H2BC18: variants seen among roughly 807,000 people sequenced by gnomAD.
H2BC18 encodes the protein histone H2B type 2-F.
A neutral mutation model predicts 6.3 loss-of-function variants in H2BC18; 8 were observed. The ratio of observed to expected loss-of-function variants is 1.28; its 90% CI spans 0.75 to 2.31. The LOEUF (loss-of-function observed/expected upper bound fraction) is 2.31. H2BC18 is among the 30% of genes most tolerant of loss of function. The pLI is 0.00. For missense variants in H2BC18, 106 were observed against 174.5 expected, an observed-to-expected ratio of 0.61 and a Z score of 2.21; for synonymous variants, 104 against 78.1, an observed-to-expected ratio of 1.33 and a Z score of -1.75.
At chr1:149,810,997 T>C (rs1374238009), downstream of H2BC18, 1 of 152,196 alleles carries the variant, frequency 6.6e-6, no homozygotes, top group African/African-American at 2.4e-5. Flanking sequence ...AGGAAGTATT[T>C]TCCTGTGGAG....
intron 1 of H2BC18, among the ~76,000 whole-genome samples, chr1:149,785,223 A>G (rs1553750673): frequency 6.6e-6 from 1 of 152,178 alleles, no homozygotes; most frequent in Non-Finnish European, 1.5e-5. Flanking sequence ...ATAATGCAAA[A>G]GTCAATCCAC....
At chr1:149,784,974 G>A (rs1206180795) in intron 1 of H2BC18, among the ~76,000 whole-genome samples, 11 of 151,934 alleles carry the variant, frequency 7.2e-5, no homozygotes, top group Non-Finnish European at 1.0e-4. Context: ...CATTCCGGGG[G>A]CACATTTCAT....
At chr1:149,788,558 A>T in intron 1 of H2BC18, 1 of 1,613,976 alleles carries the variant, frequency 6.2e-7, no homozygotes. Context: ...GGCACCTACC[A>T]TTGCTCAGGC....
intron 1 of H2BC18, chr1:149,785,582 G>A (rs1553750736): frequency 6.6e-6 from 1 of 151,572 alleles, no homozygotes; most frequent in Non-Finnish European, 1.5e-5. Context: ...AAAGGACTAG[G>A]GCTGGGAAGA....
chr1:149,810,277 T>C (rs2091959989), downstream of H2BC18: 1 of 151,980 alleles, frequency 6.6e-6, no homozygotes, highest in African/African-American at 2.4e-5. Context: ...ATGTGCTATA[T>C]ATGATTTCTT....
chr1:149,797,763 A>G (rs1269775284), intron 1 of H2BC18, among the ~76,000 whole-genome samples: 1 of 151,968 alleles, frequency 6.6e-6, no homozygotes, highest in African/African-American at 2.4e-5. Flanking sequence ...ACATCCAGCT[A>G]ATTTTTGTAT....
downstream of H2BC18, among the ~76,000 whole-genome samples, chr1:149,807,848 A>AAGAAAGAAT: frequency 6.6e-6 from 1 of 151,866 alleles, no homozygotes; most frequent in South Asian, 2.1e-4. Flanking sequence ...AAAGAGAGAA[A>AAGAAAGAAT]AGAAAGAATA....
intron 1 of H2BC18, among the ~76,000 whole-genome samples, chr1:149,784,710 A>G (rs2091494444): frequency 6.7e-6 from 1 of 148,734 alleles, no homozygotes. Context: ...CTATATATAT[A>G]TATATATATA....
chr1:149,800,524 C>T (rs1443556467), intron 1 of H2BC18, among the ~76,000 whole-genome samples: 5 of 142,530 alleles, frequency 3.5e-5, no homozygotes, highest in Admixed American at 7.1e-5. Context: ...ATAAACAAAA[C>T]GACATCACAC....
chr1:149,784,131 A>G, intron 1 of H2BC18: 2 of 1,611,782 alleles, frequency 1.2e-6, no homozygotes, highest in Admixed American at 3.3e-5. Flanking sequence ...TCTCAATGGC[A>G]CAGCCACTCA....
At chr1:149,806,513 A>AG (rs1171108801) in intron 1 of H2BC18, among the ~76,000 whole-genome samples, 4 of 151,986 alleles carry the variant, frequency 2.6e-5, no homozygotes. Flanking sequence ...GCTTGAACCC[A>AG]GGAGGTGGAG....
chr1:149,790,196 G>C (rs2091668138), intron 1 of H2BC18: 1 of 1,613,710 alleles, frequency 6.2e-7, no homozygotes, highest in Non-Finnish European at 8.5e-7. Flanking sequence ...TGGGCAGCAA[G>C]ACCCTGCGAG....
chr1:149,800,595 T>C (rs1383759919), intron 1 of H2BC18, among the ~76,000 whole-genome samples: 1 of 142,204 alleles, frequency 7.0e-6, no homozygotes, highest in African/African-American at 2.7e-5. Context: ...AGACCAAATA[T>C]ATATTTCATA....
At position 149,786,418 on chromosome 1, in the gene H2BC18, T is replaced by G. The variant is rs2091551246; in HGVS notation, c.378-3158A>C. 3 of 152,244 alleles carry G rather than the reference T, an allele frequency of 2.0e-5. No homozygotes were observed. In the South Asian group the frequency reaches 6.2e-4, roughly 31 times the overall value. 9.4% of individuals were successfully genotyped at this position (152,244 alleles called of 1,614,324 possible). ...ATATTAAAGTTTTGTTTGTTTTCAA[T>G]GAACAAGACTTGTTAATTTTACTAC... On this transcript the variant is annotated intron_variant, in intron 1 of 1. Transcript: ENST00000545683.
chr1:149,802,510 T>G (rs1261948060), intron 1 of H2BC18, among the ~76,000 whole-genome samples: 1 of 152,078 alleles, frequency 6.6e-6, no homozygotes, highest in African/African-American at 2.4e-5. Flanking sequence ...GGGACAAAAC[T>G]AATAGGGGAG....
At chr1:149,785,960 ATGT>A (rs1176100805) in intron 1 of H2BC18, 1 of 152,124 alleles carries the variant, frequency 6.6e-6, no homozygotes, top group Non-Finnish European at 1.5e-5. Flanking sequence ...AACTGTATAC[ATGT>A]TGTAAATTGA....
At chr1:149,788,720 C>T in intron 1 of H2BC18, 5 of 1,446,380 alleles carry the variant, frequency 3.5e-6, no homozygotes, top group Non-Finnish European at 4.8e-6. Flanking sequence ...AGAAACCGGG[C>T]TCCAGAGAGG....
chr1:149,790,042 CTT>C, intron 1 of H2BC18: 4 of 1,613,010 alleles, frequency 2.5e-6, no homozygotes. Context: ...CCCCCATCAA[CTT>C]TCTCCTTAGA....
At chr1:149,783,002 C>T (rs1205774136) in exon 2 of H2BC18, 3 of 585,842 alleles carry the variant, frequency 5.1e-6, no homozygotes, top group Non-Finnish European at 9.2e-6. Flanking sequence ...TGATAACCAC[C>T]TGTAGCTTGT....
Sources: allele counts gnomAD v4.1 joint callset (sites outside exome capture counted in the v4.1 genomes callset), GRCh38; gene constraint gnomAD v4.1.1; transcripts MANE v1.5; gene names NCBI Gene and HGNC (gene_info 2026-07-23, HGNC 2026-07-21).